Variants in HIRA observed in about 807,000 individuals in gnomAD.
HIRA encodes protein HIRA.
A neutral mutation model predicts 126.6 loss-of-function variants in HIRA; 13 were observed. The observed-to-expected ratio is 0.10, with a 90% CI of 0.07 to 0.16. The LOEUF (loss-of-function observed/expected upper bound fraction) is 0.16, where lower values mean the gene tolerates loss of function less well. Among genes scored for constraint, HIRA ranks in the 10% least tolerant of loss-of-function variants. The pLI is 1.00. For synonymous variants in HIRA, 511 were observed against 520.0 expected (o/e 0.98, Z 0.24); for missense variants, 834 against 1,314.4 (o/e 0.63, Z 5.65).
rs781920751 is a variant in HIRA at position 19,331,220 on chromosome 22, C to T, written c.*220G>A. 7 of 1,472,210 alleles carry T rather than the reference C, an allele frequency of 4.8e-6. 1 individual carries two copies. The South Asian group carries it at 8.5e-5, about 18-fold the overall frequency. 91.2% of individuals were successfully genotyped at this position (1,472,210 alleles called of 1,614,324 possible). On this transcript the variant is annotated 3_prime_UTR_variant, in exon 25 of 25. Coordinates refer to ENST00000263208, the MANE Select transcript of HIRA (RefSeq NM_003325.4). ...TCCAGCCCTAGCTCCGCATCGGGGG[C>T]TTGGAGGGAGGGATGAGCTTCCCCC...
intron 12 of HIRA, among the ~76,000 whole-genome samples, chr22:19,384,322 C>CA (rs71317140): frequency 0.49 from 32,845 of 66,628 alleles, 8,739 homozygotes; most frequent in South Asian, 0.65. Context: ...GACTCCATCT[C>CA]AAAAAAAAAA....
chr22:19,426,736 C>T (rs5748201), intron 1 of HIRA, among the ~76,000 whole-genome samples: 23,022 of 152,140 alleles, frequency 0.15, 3,812 homozygotes, highest in African/African-American at 0.41. Context: ...AAATCCACAG[C>T]AAAATCTCAC....
Position 19,408,365 on chromosome 22 carries a change from C to G in HIRA, c.211+118G>C. The G allele has an allele frequency of 3.1e-6, 2 of 648,712 alleles. 1 individual carries two copies. The highest frequency in any genetic ancestry group is 3.4e-5 in the South Asian group (2 of 59,078). The allele number at this position is 648,712 out of a possible 1,614,324, so 40.2% of individuals were successfully genotyped here. ...TGCAGCCAACATCTGTGCCTTCAGA[C>G]AGCAGGCCGAGGGGAGTTACCGCCG... On this transcript the variant is annotated intron_variant, in intron 3 of 24. Coordinates refer to ENST00000263208, the MANE Select transcript of HIRA (RefSeq NM_003325.4).
At chr22:19,357,231 C>T (rs2088821343) in intron 18 of HIRA, among the ~76,000 whole-genome samples, 180 bp from the exon 19 acceptor site, 1 of 152,186 alleles carries the variant, frequency 6.6e-6, no homozygotes, top group African/African-American at 2.4e-5. Context: ...TGGAGCCTCC[C>T]TGAGATCTTG....
chr22:19,377,283 C>T (rs1388353566), intron 14 of HIRA, among the ~76,000 whole-genome samples: 2 of 152,236 alleles, frequency 1.3e-5, no homozygotes, highest in South Asian at 2.1e-4. Context: ...TAAGCCCCTG[C>T]GATGCCTGGG....
chr22:19,343,223 G>A (rs1601802032), intron 24 of HIRA, among the ~76,000 whole-genome samples: 2 of 152,096 alleles, frequency 1.3e-5, no homozygotes, highest in Non-Finnish European at 2.9e-5. Context: ...TATTCAATAA[G>A]ATTATCAGCA....
At chr22:19,397,602 C>A (rs1601843994) in intron 6 of HIRA, among the ~76,000 whole-genome samples, 1 of 152,158 alleles carries the variant, frequency 6.6e-6, no homozygotes, top group South Asian at 2.1e-4. Context: ...TAAGAAAAAT[C>A]AATCTTTTGC....
At position 19,330,991 on chromosome 22, in the gene HIRA, T is replaced by G. The variant is rs1601789440; in HGVS notation, c.*449A>C. Reference sequence around the variant, plus strand: ...TCTAGTACAAAAATAGTCCGTGTGTTGGAACAGCTTTCCTTTTACATAGGT... The same window carrying G: ...TCTAGTACAAAAATAGTCCGTGTGTGGGAACAGCTTTCCTTTTACATAGGT... On this transcript the variant is annotated 3_prime_UTR_variant, in exon 25 of 25. Coordinates refer to ENST00000263208, the MANE Select transcript of HIRA (RefSeq NM_003325.4). The G allele has an allele frequency of 8.5e-6, 3 of 354,394 alleles. No individual in the cohort carries two copies. The East Asian group carries it at 2.7e-4, about 32-fold the overall frequency. The allele number at this position is 354,394 out of a possible 1,614,324, so 22.0% of individuals were successfully genotyped here.
chr22:19,386,432 T>A (rs1206059162), intron 11 of HIRA, among the ~76,000 whole-genome samples: 1 of 152,226 alleles, frequency 6.6e-6, no homozygotes, highest in Non-Finnish European at 1.5e-5. Context: ...GATGTGCAAA[T>A]GTCCAATGTG....
chr22:19,384,342 A>AG (rs929460183), intron 12 of HIRA, among the ~76,000 whole-genome samples: 6 of 151,368 alleles, frequency 4.0e-5, no homozygotes, highest in East Asian at 1.9e-4. Context: ...AAAAAAAAAA[A>AG]AGAGAGATAT....
At chr22:19,409,673 TG>T (rs1404016332) in intron 2 of HIRA, among the ~76,000 whole-genome samples, 3 of 152,200 alleles carry the variant, frequency 2.0e-5, no homozygotes, top group African/African-American at 7.2e-5. Context: ...CCAAATCCAA[TG>T]AACATGCCAA....
rs144640279 is a variant in HIRA, at chr22:19,388,925, C to T, written c.937-371G>A. Reference sequence around the variant, plus strand: ...GAGAGGGTCTATGGAGCAGGAGACACGATGCCAAAGCCTAGACAGGGGATG... The same window carrying T: ...GAGAGGGTCTATGGAGCAGGAGACATGATGCCAAAGCCTAGACAGGGGATG... On this transcript the variant is annotated intron_variant, in intron 9 of 24. Coordinates refer to ENST00000263208, the MANE Select transcript of HIRA (RefSeq NM_003325.4). Among the ~76,000 whole-genome samples the T allele has an allele frequency of 1.1e-3, 165 of 152,256 alleles. 1 individual carries two copies. The highest frequency in any genetic ancestry group is 3.8e-3 in the African/African-American group (156 of 41,534).
intron 22 of HIRA, 68 bp downstream of exon 22, chr22:19,353,928 G>A (rs1040748127): frequency 6.8e-5 from 107 of 1,568,330 alleles, no homozygotes; most frequent in Non-Finnish European, 8.2e-5. Context: ...GGGACTGTGC[G>A]TGCACTGACC....
At chr22:19,337,150 G>GC (rs2088575950) in intron 24 of HIRA, among the ~76,000 whole-genome samples, 1 of 151,766 alleles carries the variant, frequency 6.6e-6, no homozygotes, top group African/African-American at 2.4e-5. Context: ...AGGCTGGAGT[G>GC]CAGTGGCGTG....
intron 24 of HIRA, among the ~76,000 whole-genome samples, chr22:19,348,160 C>G (rs1260571584): frequency 6.6e-6 from 1 of 152,212 alleles, no homozygotes; most frequent in African/African-American, 2.4e-5. Flanking sequence ...ATCATGGAGT[C>G]CCTACAGTGC....
At position 19,385,673 on chromosome 22, in the gene HIRA, T is replaced by C. The variant is rs536088629; in HGVS notation, c.1177A>G (p.Thr393Ala). The C allele has an allele frequency of 6.2e-7, 1 of 1,614,194 alleles. No homozygotes were observed. The highest frequency in any genetic ancestry group is 1.3e-5 in the African/African-American group (1 of 75,082). Reference protein sequence around the residue: ...LAIMTEAQLSTAVIENPEMLK... With the variant: ...LAIMTEAQLSAAVIENPEMLK... ...ATCTCAGGGTTCTCAATGACGGCTG[T>C]GGAGAGCTGGGCCTCGGTCATGATG... The change falls in exon 12 of 25, where the codon ACA (threonine) becomes GCA (alanine). Residue 393 changes from threonine to alanine, a missense_variant. Transcript: ENST00000263208.
In HIRA at chr22:19,331,250, G is replaced by A. The variant is rs2088481958; in HGVS notation, c.*190C>T. On this transcript the variant is annotated 3_prime_UTR_variant, in exon 25 of 25. Coordinates refer to ENST00000263208, the MANE Select transcript of HIRA (RefSeq NM_003325.4). The stretch of plus-strand genomic sequence containing the variant: ...AGGGAGGGATGAGCTTCCCCCTCCT[G>A]AGGCAATGTCAGACCCAGGACACAG... 2 of 1,514,362 alleles carry A rather than the reference G, an allele frequency of 1.3e-6. No homozygotes were observed. Among genetic ancestry groups the A allele is most frequent in the Non-Finnish European group, 1.8e-6 (2 of 1,132,574 alleles). 93.8% of individuals were successfully genotyped at this position (1,514,362 alleles called of 1,614,324 possible).
intron 5 of HIRA, among the ~76,000 whole-genome samples, chr22:19,401,623 G>A (rs903650666): frequency 2.8e-4 from 43 of 152,168 alleles, no homozygotes; most frequent in African/African-American, 1.0e-3. Context: ...TCCTGCTTCA[G>A]GTTACAGCCA....
intron 22 of HIRA, 76 bp downstream of exon 22, chr22:19,353,920 G>C (rs1729408634): frequency 1.3e-6 from 2 of 1,532,902 alleles, no homozygotes; most frequent in Non-Finnish European, 1.8e-6. Flanking sequence ...CCTGGGCAGG[G>C]ACTGTGCGTG....
Sources: gnomAD v4.1 joint callset for allele counts (sites outside exome capture counted in the v4.1 genomes callset) on GRCh38, gnomAD v4.1.1 for gene constraint, MANE v1.5 for transcripts, NCBI Gene and HGNC (gene_info 2026-07-23, HGNC 2026-07-21) for gene names.